The following RAD51B variants were observed in gnomAD, a reference collection of about 807,000 sequenced individuals.
RAD51B encodes DNA repair protein RAD51 homolog 2.
In RAD51B, 38 loss-of-function variants were observed where a neutral mutation model predicts 42.2. That is an observed-to-expected ratio of 0.90 (90% CI 0.70 to 1.18). The LOEUF (loss-of-function observed/expected upper bound fraction) is 1.18. Ranked by LOEUF, RAD51B falls within the 50% of genes most tolerant of loss-of-function variation. The pLI, the probability that RAD51B is intolerant of heterozygous loss-of-function variation, is 0.00. For missense variants in RAD51B, 373 were observed against 400.7 expected, an observed-to-expected ratio of 0.93 and a Z score of 0.59; for synonymous variants, 154 against 145.2, an observed-to-expected ratio of 1.06 and a Z score of -0.43.
At chr14:68,399,259 GTT>G (rs397719053) in intron 8 of RAD51B, among the ~76,000 whole-genome samples, 5 of 136,006 alleles carry the variant, frequency 3.7e-5, no homozygotes, top group Non-Finnish European at 4.7e-5. Context: ...TTTTTTTTGT[GTT>G]TTTTTTTTTT....
At chr14:68,130,537 A>G (rs907663860) in intron 7 of RAD51B, among the ~76,000 whole-genome samples, 1 of 152,248 alleles carries the variant, frequency 6.6e-6, no homozygotes, top group Non-Finnish European at 1.5e-5. Flanking sequence ...TTCTCATTGT[A>G]TAGCATATCT....
intron 8 of RAD51B, among the ~76,000 whole-genome samples, chr14:68,389,979 A>T (rs148213496): frequency 5.1e-4 from 77 of 152,356 alleles, no homozygotes; most frequent in African/African-American, 1.9e-3. Context: ...AATTCTGAGA[A>T]TGGCTTGTTA....
chr14:67,959,647 G>T (rs1243015798), intron 7 of RAD51B, among the ~76,000 whole-genome samples: 1 of 152,132 alleles, frequency 6.6e-6, no homozygotes, highest in Non-Finnish European at 1.5e-5. Flanking sequence ...AGTTAAAGTT[G>T]ATAAAACAGT....
downstream of RAD51B, among the ~76,000 whole-genome samples, chr14:68,613,024 G>A (rs1432608123): frequency 6.6e-6 from 1 of 152,182 alleles, no homozygotes; most frequent in Non-Finnish European, 1.5e-5. Flanking sequence ...AAACCACATG[G>A]TTAATGAGGT....
At chr14:68,661,303 A>G (rs1892927178) in intron 11 of RAD51B, among the ~76,000 whole-genome samples, 1 of 152,228 alleles carries the variant, frequency 6.6e-6, no homozygotes, top group Non-Finnish European at 1.5e-5. Flanking sequence ...TTTACAGAAC[A>G]GGAGACAGAC....
chr14:68,673,765 C>T lies in RAD51B; in HGVS notation c.*11+22909C>T, dbSNP rs571941646. ...ATACTGTACACACATATATATACATCCACACACGTACACATACACATACTA... is the reference window on the plus strand; with the variant it reads ...ATACTGTACACACATATATATACATTCACACACGTACACATACACATACTA... On this transcript the variant is annotated intron_variant, in intron 11 of 11. Coordinates refer to the RAD51B transcript ENST00000488612. Among the ~76,000 whole-genome samples, 11 of 149,550 alleles carry T rather than the reference C, an allele frequency of 7.4e-5. No individual in the cohort carries two copies. The South Asian group carries it at 1.9e-3, about 26-fold the overall frequency.
At chr14:68,381,884 C>T (rs1183804437) in intron 8 of RAD51B, among the ~76,000 whole-genome samples, 6 of 152,174 alleles carry the variant, frequency 3.9e-5, no homozygotes, top group African/African-American at 1.4e-4. Flanking sequence ...ACTCACAAGA[C>T]CTCTCCTGCA....
chr14:68,129,926 G>A (rs952274224), intron 7 of RAD51B: 4 of 152,070 alleles, frequency 2.6e-5, no homozygotes, highest in African/African-American at 7.2e-5. Flanking sequence ...TTTCTACTGC[G>A]GTGTAACCAC....
At chr14:67,872,643 C>T (rs2042581212) in intron 5 of RAD51B, among the ~76,000 whole-genome samples, 1 of 151,678 alleles carries the variant, frequency 6.6e-6, no homozygotes, top group African/African-American at 2.4e-5. Context: ...CAATCCTGAG[C>T]CAAAAGAACA....
At chr14:67,821,873 A>G (rs1038699890) in intron 1 of RAD51B, among the ~76,000 whole-genome samples, 1 of 152,154 alleles carries the variant, frequency 6.6e-6, no homozygotes, top group Non-Finnish European at 1.5e-5. Flanking sequence ...ATATTATAGC[A>G]GGTATCACTT....
intron 7 of RAD51B, among the ~76,000 whole-genome samples, chr14:68,206,614 T>C (rs2079591273): frequency 6.6e-6 from 1 of 152,060 alleles, no homozygotes; most frequent in Admixed American, 6.5e-5. Context: ...TACCAGATCA[T>C]TTTGGTATAT....
At chr14:68,167,909 TACTTTA>T (rs1239391666) in intron 7 of RAD51B, among the ~76,000 whole-genome samples, 4 of 152,180 alleles carry the variant, frequency 2.6e-5, no homozygotes, top group Admixed American at 6.6e-5. Flanking sequence ...TTATTGTATA[TACTTTA>T]ACTTTATCTC....
intron 7 of RAD51B, among the ~76,000 whole-genome samples, chr14:68,272,787 C>G (rs964027703): frequency 7.0e-6 from 1 of 143,456 alleles, no homozygotes; most frequent in African/African-American, 2.6e-5. Context: ...CGGGTTCACA[C>G]CATTCTCCTG....
intron 11 of RAD51B, among the ~76,000 whole-genome samples, chr14:68,679,095 G>T (rs746969590): frequency 3.3e-5 from 5 of 151,086 alleles, no homozygotes; most frequent in Non-Finnish European, 7.4e-5. Context: ...GTTAGCCAAA[G>T]CAGTCTTATA....
At chr14:68,661,668 A>G (rs569497344) in intron 11 of RAD51B, among the ~76,000 whole-genome samples, 2 of 152,362 alleles carry the variant, frequency 1.3e-5, no homozygotes, top group East Asian at 3.9e-4. Flanking sequence ...GCATGCAAAC[A>G]TATTCATGTG....
chr14:67,854,606 C>T (rs1007404105), intron 4 of RAD51B, among the ~76,000 whole-genome samples: 2 of 151,188 alleles, frequency 1.3e-5, no homozygotes, highest in African/African-American at 4.9e-5. Context: ...TGCACTCCAG[C>T]CTGGGCAACA....
chr14:68,123,447 C>T (rs756683991), intron 7 of RAD51B, among the ~76,000 whole-genome samples: 2 of 152,132 alleles, frequency 1.3e-5, no homozygotes, highest in Non-Finnish European at 2.9e-5. Context: ...CCACCTTGGC[C>T]TCCCAAAGTG....
intron 11 of RAD51B, among the ~76,000 whole-genome samples, chr14:68,670,450 G>A (rs188091460): frequency 1.6e-3 from 250 of 152,294 alleles, no homozygotes; most frequent in African/African-American, 5.7e-3. Flanking sequence ...CCTTACATTT[G>A]CTTCTTGGTC....
At chr14:67,929,412 T>G (rs1379894161) in intron 7 of RAD51B, among the ~76,000 whole-genome samples, 1 of 152,212 alleles carries the variant, frequency 6.6e-6, no homozygotes, top group Non-Finnish European at 1.5e-5. Context: ...GAGTTCCTCT[T>G]GGCATTGATT....
Sources: gnomAD v4.1 joint callset for allele counts (sites outside exome capture counted in the v4.1 genomes callset) on GRCh38, gnomAD v4.1.1 for gene constraint, MANE v1.5 for transcripts, NCBI Gene and HGNC (gene_info 2026-07-23, HGNC 2026-07-21) for gene names.